INA: variants seen among roughly 807,000 people sequenced by gnomAD.
The protein encoded by INA is internexin neuronal intermediate filament protein alpha.
Under a neutral mutation model 40.1 loss-of-function variants are expected in INA, and 35 were observed. The observed-to-expected ratio is 0.87, with a 90% CI of 0.67 to 1.16. The LOEUF (loss-of-function observed/expected upper bound fraction) is 1.16, where lower values mean the gene tolerates loss of function less well. Ranked by LOEUF, INA falls within the 50% of genes most tolerant of loss-of-function variation. The probability of loss-of-function intolerance (pLI) is 0.00; values close to 1 mark genes in which losing one functional copy is unlikely to be tolerated. For missense variants in INA, 594 were observed against 686.7 expected, an observed-to-expected ratio of 0.87 and a Z score of 1.51; for synonymous variants, 290 against 316.9, an observed-to-expected ratio of 0.92 and a Z score of 0.90.
At chr10:103,282,594 C>T (rs1484041355) in intron 1 of INA, among the ~76,000 whole-genome samples, 1 of 152,056 alleles carries the variant, frequency 6.6e-6, no homozygotes, top group African/African-American at 2.4e-5. Flanking sequence ...TGATATACCT[C>T]GAATGACCTA....
intron 2 of INA, among the ~76,000 whole-genome samples, chr10:103,287,826 C>T (rs889384783): frequency 6.6e-6 from 1 of 151,682 alleles, no homozygotes; most frequent in Non-Finnish European, 1.5e-5. Context: ...GTTTTCGTCA[C>T]GCTGATAAAA....
chr10:103,280,178 AAAC>A (rs914785104), intron 1 of INA: 67 of 985,338 alleles, frequency 6.8e-5, no homozygotes, highest in South Asian at 4.7e-4. Context: ...AACAAACAAA[AAAC>A]AACAACAGAG....
intron 1 of INA, among the ~76,000 whole-genome samples, chr10:103,286,505 T>G (rs1172825966): frequency 6.6e-6 from 1 of 152,102 alleles, no homozygotes; most frequent in African/African-American, 2.4e-5. Flanking sequence ...AGTGACTGAT[T>G]AGCAGGCTTC....
chr10:103,288,312 G>A (rs779656903), intron 2 of INA, 48 bp from the exon 3 acceptor site: 14 of 1,502,416 alleles, frequency 9.3e-6, no homozygotes, highest in Middle Eastern at 1.9e-4. Flanking sequence ...AGTTCTGGGG[G>A]GGAAAAGTTA....
intron 1 of INA, among the ~76,000 whole-genome samples, chr10:103,281,293 G>GA (rs939671473): frequency 4.6e-5 from 7 of 152,098 alleles, no homozygotes; most frequent in Non-Finnish European, 7.4e-5. Context: ...CATCTTTATA[G>GA]AAAAAAATTT....
chr10:103,280,175 A>G, intron 1 of INA: 18 of 985,478 alleles, frequency 1.8e-5, no homozygotes, highest in Non-Finnish European at 2.2e-5. Flanking sequence ...GGAAACAAAC[A>G]AAAAACAACA....
At chr10:103,280,432 C>T (rs2093070189) in intron 1 of INA, 1 of 985,458 alleles carries the variant, frequency 1.0e-6, no homozygotes, top group Non-Finnish European at 1.2e-6. Context: ...GGTGAAAAGC[C>T]TCCCTTTCTA....
intron 1 of INA, chr10:103,280,021 C>T: frequency 1.6e-6 from 2 of 1,282,814 alleles, no homozygotes; most frequent in Non-Finnish European, 2.0e-6. Context: ...TTACTCAGAG[C>T]TGCCAGCTGA....
chr10:103,287,134 CT>C lies in INA; in HGVS notation c.1167del (p.Asp390ThrfsTer4). 1 of 1,613,682 alleles carries C rather than the reference CT, an allele frequency of 6.2e-7. No homozygotes were observed. Among genetic ancestry groups the C allele is most frequent in the Non-Finnish European group, 8.5e-7 (1 of 1,179,850 alleles). ...GGACTTGCTCAATGTCAAAATGGCT[CT>C]TGACATTGAGATAGCAGCTTACAGG... ...YQDLLNVKMA[L>X]DIEIAAYRKL... On this transcript the variant is annotated frameshift_variant, in exon 2 of 3. Transcript: ENST00000369849. LOFTEE classifies it high-confidence loss of function.
At chr10:103,281,881 C>A (rs1441998863) in intron 1 of INA, among the ~76,000 whole-genome samples, 1 of 152,238 alleles carries the variant, frequency 6.6e-6, no homozygotes, top group Middle Eastern at 3.2e-3. Context: ...TGTCTTAGCT[C>A]CTCCAGGAGA....
chr10:103,280,488 A>G (rs1422818643), intron 1 of INA: 17 of 985,246 alleles, frequency 1.7e-5, no homozygotes, highest in Non-Finnish European at 1.9e-5. Context: ...TCTCATCCCC[A>G]CCTTTCACTG....
chr10:103,286,932 G>C (rs3740381), intron 1 of INA, 103 bp from the exon 2 acceptor site: 393,862 of 1,212,624 alleles, frequency 0.32, 67,794 homozygotes, highest in South Asian at 0.5. Context: ...AAGTTCATTA[G>C]ATGATTTTAA....
chr10:103,281,811 C>T (rs1029184198), intron 1 of INA, among the ~76,000 whole-genome samples: 1 of 152,212 alleles, frequency 6.6e-6, no homozygotes, highest in Admixed American at 6.5e-5. Context: ...CTTACTCCAC[C>T]CGGCATCCTT....
Position 103,277,961 on chromosome 10 carries a change from C to T in INA, c.750C>T (p.Ala250=), listed in dbSNP as rs764603527. Residue 250 remains alanine, a synonymous_variant, in exon 1 of 3, where the codon GCC becomes GCT. Transcript: ENST00000369849. The surrounding 1 kb of genome is among the most constrained non-coding windows in gnomAD (Gnocchi z 5.6). The part of the protein sequence containing the change: ...ATLQASSQAA[A]EVDVTVAKPD... ...TGCAGGCGTCGTCGCAGGCCGCGGC[C>T]GAGGTGGACGTGACTGTGGCTAAAC... 57 of 1,567,378 alleles carry T rather than the reference C, an allele frequency of 3.6e-5. No homozygotes were observed. The Middle Eastern group carries it at 1.7e-3, about 46-fold the overall frequency.
Position 103,277,340 on chromosome 10 carries a change from G to A in INA, c.129G>A (p.Leu43=), listed in dbSNP as rs2093061417. The A allele has an allele frequency of 6.3e-7, 1 of 1,582,488 alleles. No individual in the cohort carries two copies. Among genetic ancestry groups the A allele is most frequent in the Non-Finnish European group, 8.5e-7 (1 of 1,170,406 alleles). Residue 43 remains leucine (L), a synonymous_variant, in exon 1 of 3, where the codon CTG becomes CTA. Transcript: ENST00000369849. The surrounding 1 kb of genome is among the most constrained non-coding windows in gnomAD (Gnocchi z 5.6). The stretch of plus-strand genomic sequence containing the variant: ...CGGGCGGCTTCCGCTCGCAGTCGCT[G>A]TCCCGCAGCAATGTGGCCTCCTCGG... The part of the protein sequence containing the change: ...GGAGGFRSQS[L]SRSNVASSAA...
In INA at chr10:103,277,236, C is replaced by G. The variant is rs554942308; in HGVS notation, c.25C>G (p.Leu9Val). 22 of 1,590,332 alleles carry G rather than the reference C, an allele frequency of 1.4e-5. No homozygotes were observed. Among genetic ancestry groups the G allele is most frequent in the African/African-American group, 5.6e-5 (4 of 71,630 alleles). Residue 9 changes from leucine (L) to valine (V), a missense_variant, in exon 1 of 3, where the codon CTG becomes GTG. By Grantham distance (32) the Leu-to-Val change is conservative. Transcript: ENST00000369849. This position sits in a 1 kb window ranked among gnomAD's most constrained non-coding sequence, Gnocchi z 5.6. MSFGSEHY[L>V]CSSSSYRKVF... ...CATGAGCTTCGGCTCGGAGCACTAC[C>G]TGTGCTCCTCCTCCTCCTACCGCAA...
At chr10:103,280,713 A>G in intron 1 of INA, 2 of 985,470 alleles carry the variant, frequency 2.0e-6, no homozygotes, top group Non-Finnish European at 2.4e-6. Context: ...TAAGTACACA[A>G]TAGTGGATGA....
In INA at chr10:103,288,467, G is replaced by A; in HGVS notation, c.1298G>A (p.Ser433Asn). Residue 433 changes from serine (S) to asparagine (N), a missense_variant, in exon 3 of 3, where the codon AGT becomes AAT. This residue lies in a region of INA where 379 missense variants were observed against 496.1 expected (regional missense o/e 0.76). Coordinates refer to ENST00000369849, the MANE Select transcript of INA (RefSeq NM_032727.4). Reference sequence around the variant, plus strand: ...TACCTGCTCCCACCTAGAATCCTCAGTGCTACAACCTCCAAAGTCTCATCC... The same window carrying A: ...TACCTGCTCCCACCTAGAATCCTCAATGCTACAACCTCCAAAGTCTCATCC... ...PSYLLPPRIL[S>N]ATTSKVSSTG... The A allele has an allele frequency of 6.2e-7, 1 of 1,614,010 alleles. No homozygotes were observed. Among genetic ancestry groups the A allele is most frequent in the Non-Finnish European group, 8.5e-7 (1 of 1,180,012 alleles).
chr10:103,277,664 C>T lies in INA; in HGVS notation c.453C>T (p.Arg151=), dbSNP rs747965328. The part of the protein sequence containing the change: ...ELFQRELRDL[R]AQLEEASSAR... ...TCCAGCGCGAGCTGCGCGACCTGCG[C>T]GCGCAGCTGGAGGAGGCCAGCTCGG... The change falls in exon 1 of 3, where the codon CGC becomes CGT. Residue 151 remains arginine, a synonymous_variant. Coordinates refer to ENST00000369849, the MANE Select transcript of INA (RefSeq NM_032727.4). This position sits in a 1 kb window ranked among gnomAD's most constrained non-coding sequence, Gnocchi z 5.6. The T allele has an allele frequency of 1.4e-6, 2 of 1,384,650 alleles. No homozygotes were observed. Among genetic ancestry groups the T allele is most frequent in the Admixed American group, 3.5e-5 (1 of 28,364 alleles). 85.8% of individuals were successfully genotyped at this position (1,384,650 alleles called of 1,614,324 possible).
Sources: gnomAD v4.1 joint callset for allele counts (sites outside exome capture counted in the v4.1 genomes callset) on GRCh38, gnomAD v4.1.1 for gene constraint, gnomAD v4.1.1 regional missense constraint, Gnocchi (gnomAD v3.1) non-coding constraint, MANE v1.5 for transcripts, NCBI Gene and HGNC (gene_info 2026-07-23, HGNC 2026-07-21) for gene names.